Variants in ZNF600 observed in about 807,000 individuals in gnomAD.
The protein encoded by ZNF600 is zinc finger protein 600, also known as zinc finger protein KR-ZNF1.
In ZNF600, 4 loss-of-function variants were observed where a neutral mutation model predicts 7.3. That is an observed-to-expected ratio of 0.55 (90% CI 0.27 to 1.25). ZNF600 has a LOEUF of 1.25. Among genes scored for constraint, ZNF600 ranks in the 50% most tolerant of loss-of-function variants. The probability of loss-of-function intolerance (pLI) is 0.12; values close to 1 mark genes in which losing one functional copy is unlikely to be tolerated. For missense variants in ZNF600, 911 were observed against 922.1 expected (o/e 0.99, Z 0.16); for synonymous variants, 290 against 308.9 (o/e 0.94, Z 0.64).
chr19:52,770,958 C>T (rs556669610), intron 3 of ZNF600, among the ~76,000 whole-genome samples: 41 of 152,170 alleles, frequency 2.7e-4, no homozygotes, highest in African/African-American at 9.9e-4. Flanking sequence ...CTCAGCCACC[C>T]GAGTAGCTGG....
the ZNF600 span, chr19:52,817,853 A>G: frequency 1.9e-6 from 3 of 1,593,202 alleles, no homozygotes; most frequent in Non-Finnish European, 2.6e-6. Context: ...ATCAGGCAGG[A>G]CACTTCAGAC....
At chr19:52,789,103 T>C (rs34748465), upstream of ZNF600, among the ~76,000 whole-genome samples, 67,451 of 151,962 alleles carry the variant, frequency 0.44, 16,495 homozygotes, top group Non-Finnish European at 0.57. Flanking sequence ...TGGGGGACTG[T>C]GGGAGAACAC....
intron 3 of ZNF600, among the ~76,000 whole-genome samples, chr19:52,769,620 G>T (rs1207486230): frequency 6.6e-6 from 1 of 152,122 alleles, no homozygotes; most frequent in East Asian, 1.9e-4. Context: ...GCTGGCAGTG[G>T]TCCCCCGGGC....
At chr19:52,793,056 C>G in the ZNF600 span, among the ~76,000 whole-genome samples, 1 of 150,882 alleles carries the variant, frequency 6.6e-6, no homozygotes, top group Admixed American at 6.6e-5. Flanking sequence ...CTCTTAAACA[C>G]TTTAACGTCA....
the ZNF600 span, among the ~76,000 whole-genome samples, chr19:52,806,591 A>G: frequency 1.0e-3 from 159 of 151,840 alleles, 4 homozygotes; most frequent in African/African-American, 3.5e-3. Context: ...AAAGAACTAC[A>G]AGACAAAACT....
chr19:52,813,532 G>A, the ZNF600 span, among the ~76,000 whole-genome samples: 1 of 137,020 alleles, frequency 7.3e-6, no homozygotes, highest in Admixed American at 7.4e-5. Context: ...ACACCAGACT[G>A]TTCGGCTTGT....
At chr19:52,800,481 G>C in the ZNF600 span, 31 of 1,613,520 alleles carry the variant, frequency 1.9e-5, no homozygotes, top group South Asian at 2.7e-4. Flanking sequence ...ATGATGGCGT[G>C]CAAGAGTTGA....
chr19:52,784,253 A>C lies in ZNF600; in HGVS notation c.-20+2342T>G, dbSNP rs573490851. Among the ~76,000 whole-genome samples the C allele has an allele frequency of 3.3e-5, 5 of 152,126 alleles. No homozygotes were observed. In the East Asian group the frequency reaches 9.7e-4, roughly 29 times the overall value. Reference sequence around the variant, plus strand: ...AAAAACAAACAAACAAAGAAAAAAAACAACTAGCTGGGCTTGGTGTCTCAC... The same window carrying C: ...AAAAACAAACAAACAAAGAAAAAAACCAACTAGCTGGGCTTGGTGTCTCAC... On this transcript the variant is annotated intron_variant, in intron 1 of 3. Coordinates refer to ENST00000648973, the Ensembl canonical transcript of ZNF600.
chr19:52,786,688 A>T (rs1426596777), exon 1 of ZNF600: 7 of 257,108 alleles, frequency 2.7e-5, no homozygotes, highest in South Asian at 1.0e-4. Flanking sequence ...AGCGCCGGGG[A>T]CCTGGGAAGT....
At chr19:52,769,241 G>A (rs1468576677) in intron 3 of ZNF600, among the ~76,000 whole-genome samples, 2 of 152,092 alleles carry the variant, frequency 1.3e-5, no homozygotes, top group East Asian at 1.9e-4. Context: ...CATCAGTCAG[G>A]CCCACCTGCA....
the ZNF600 span, chr19:52,799,730 G>A: frequency 1.9e-6 from 3 of 1,593,006 alleles, no homozygotes; most frequent in Non-Finnish European, 2.6e-6. Context: ...GGTATACAAG[G>A]TTTGACATCT....
At chr19:52,808,044 A>G in the ZNF600 span, 9 of 1,613,482 alleles carry the variant, frequency 5.6e-6, no homozygotes, top group Middle Eastern at 3.3e-4. Flanking sequence ...CCAGCATCAC[A>G]TCCCTGTAAA....
At chr19:52,815,913 T>G in the ZNF600 span, among the ~76,000 whole-genome samples, 1 of 147,506 alleles carries the variant, frequency 6.8e-6, no homozygotes, top group Non-Finnish European at 1.5e-5. Context: ...TGAGTTTGCC[T>G]CTGTAACAAA....
At chr19:52,801,023 A>C in the ZNF600 span, 4 of 1,614,086 alleles carry the variant, frequency 2.5e-6, no homozygotes, top group Non-Finnish European at 3.4e-6. Flanking sequence ...TGCCACACTC[A>C]TTACACTTGT....
chr19:52,767,253 C>A (rs1177785377), exon 4 of ZNF600: 1 of 1,614,124 alleles, frequency 6.2e-7, no homozygotes, highest in Non-Finnish European at 8.5e-7. Context: ...AAAGGCTTTG[C>A]CACTCTCATT....
At chr19:52,771,889 A>G (rs1251054784) in intron 3 of ZNF600, among the ~76,000 whole-genome samples, 1 of 152,170 alleles carries the variant, frequency 6.6e-6, no homozygotes, top group African/African-American at 2.4e-5. Context: ...CTGGAATTAG[A>G]GGCCTAAGCC....
the ZNF600 span, among the ~76,000 whole-genome samples, chr19:52,793,831 C>T: frequency 1.3e-5 from 2 of 149,364 alleles, no homozygotes; most frequent in African/African-American, 4.9e-5. Flanking sequence ...AGTGATGTAT[C>T]TTCTCAGTCA....
At chr19:52,787,796 C>T (rs1461184226), upstream of ZNF600, among the ~76,000 whole-genome samples, 2 of 144,514 alleles carry the variant, frequency 1.4e-5, no homozygotes, top group South Asian at 2.2e-4. Flanking sequence ...GGAGGCGGAG[C>T]GTGCAGTGAG....
chr19:52,813,507 C>G, the ZNF600 span, among the ~76,000 whole-genome samples: 1 of 146,314 alleles, frequency 6.8e-6, no homozygotes, highest in Non-Finnish European at 1.5e-5. Context: ...TTTTTTTACC[C>G]AGGGCTCTGG....
Sources: gnomAD v4.1 joint callset for allele counts (sites outside exome capture counted in the v4.1 genomes callset) on GRCh38, gnomAD v4.1.1 for gene constraint, MANE v1.5 for transcripts, NCBI Gene and HGNC (gene_info 2026-07-23, HGNC 2026-07-21) for gene names.